The following ALX4 variants were observed in gnomAD, a reference collection of about 807,000 sequenced individuals.
The protein encoded by ALX4 is homeobox protein aristaless-like 4.
ALX4 carries 22 observed loss-of-function variants against 40.6 expected under a neutral mutation model. The observed-to-expected ratio is 0.54, with a 90% CI of 0.39 to 0.77. The LOEUF is 0.77. Ranked by LOEUF, ALX4 falls within the 30% of genes least tolerant of loss-of-function variation. The pLI is 0.00. For missense variants in ALX4, 556 were observed against 564.8 expected (o/e 0.98, Z 0.16); for synonymous variants, 266 against 240.5 (o/e 1.11, Z -0.98).
At chr11:44,277,671 G>A (rs1340930489) in intron 1 of ALX4, among the ~76,000 whole-genome samples, 1 of 152,178 alleles carries the variant, frequency 6.6e-6, no homozygotes, top group Non-Finnish European at 1.5e-5. Flanking sequence ...TCTCATTCCT[G>A]GCTTTCTGTG....
At chr11:44,297,009 CAAAAAAAA>C (rs60856634) in intron 1 of ALX4, among the ~76,000 whole-genome samples, 2 of 86,884 alleles carry the variant, frequency 2.3e-5, no homozygotes, top group South Asian at 1.2e-3. Flanking sequence ...AACTCTGTCT[CAAAAAAAA>C]AAAAAAAAAA....
chr11:44,287,606 GA>G (rs1374322544), intron 1 of ALX4, among the ~76,000 whole-genome samples: 2 of 141,096 alleles, frequency 1.4e-5, no homozygotes, highest in Non-Finnish European at 3.1e-5. Context: ...AAAAAAAAAA[GA>G]AAAGAAAAGA....
chr11:44,295,848 G>T (rs1489755373), intron 1 of ALX4, among the ~76,000 whole-genome samples: 2 of 152,220 alleles, frequency 1.3e-5, no homozygotes, highest in Non-Finnish European at 2.9e-5. Flanking sequence ...GTCCTCATGG[G>T]ATGGTCAACT....
At chr11:44,298,748 GAGCT>G (rs1956418069) in intron 1 of ALX4, among the ~76,000 whole-genome samples, 1 of 151,366 alleles carries the variant, frequency 6.6e-6, no homozygotes, top group African/African-American at 2.4e-5. Flanking sequence ...GTGCTAAATA[GAGCT>G]ACCCAGAGCC....
Position 44,264,737 on chromosome 11 carries a change from C to T in ALX4, c.*117G>A. 2 of 1,206,920 alleles carry T rather than the reference C, an allele frequency of 1.7e-6. No homozygotes were observed. The highest frequency in any genetic ancestry group is 2.1e-5 in the Admixed American group (1 of 46,528). The allele number at this position is 1,206,920 out of a possible 1,614,324, so 74.8% of individuals were successfully genotyped here. A position where few individuals can be genotyped will look rare whatever the true frequency, so the allele number is the denominator to read the frequency against. On this transcript the variant is annotated 3_prime_UTR_variant, in exon 4 of 4. Transcript: ENST00000652299. ...TGGGGCGGCTGAAAGTGCTGAGGGT[C>T]AGGCCCCTGGCCCAGGCCAGGTTCC...
At chr11:44,286,392 C>T (rs1956338797) in intron 1 of ALX4, among the ~76,000 whole-genome samples, 1 of 152,174 alleles carries the variant, frequency 6.6e-6, no homozygotes, top group African/African-American at 2.4e-5. Context: ...AGAGGAGTCC[C>T]CGGCCCTGGC....
chr11:44,269,522 G>A (rs956645543), intron 2 of ALX4, among the ~76,000 whole-genome samples: 5 of 152,108 alleles, frequency 3.3e-5, no homozygotes, highest in Admixed American at 1.3e-4. Context: ...GTGCGTGCAC[G>A]AGTGTACCCA....
intron 1 of ALX4, among the ~76,000 whole-genome samples, chr11:44,290,981 C>T (rs936734967): frequency 6.6e-5 from 10 of 152,200 alleles, no homozygotes; most frequent in South Asian, 2.1e-4. Flanking sequence ...GCCAGGGCAA[C>T]GTTGCTCAGC....
intron 1 of ALX4, among the ~76,000 whole-genome samples, chr11:44,293,168 GAAGC>G (rs1239463086): frequency 0.027 from 255 of 9,490 alleles, 38 homozygotes; most frequent in Middle Eastern, 0.056. Context: ...AGGAAGGAAG[GAAGC>G]AGGCAGGCAG....
chr11:44,305,708 G>T (rs1956462608), intron 1 of ALX4, among the ~76,000 whole-genome samples: 1 of 152,232 alleles, frequency 6.6e-6, no homozygotes, highest in East Asian at 1.9e-4. Flanking sequence ...TCGGGACTGG[G>T]CCCCTAGGCG....
At chr11:44,274,817 C>T (rs777651421) in intron 2 of ALX4, among the ~76,000 whole-genome samples, 4 of 152,166 alleles carry the variant, frequency 2.6e-5, no homozygotes, top group Admixed American at 6.5e-5. Flanking sequence ...ACTGCTTTAG[C>T]CACAGTGGTC....
intron 1 of ALX4, among the ~76,000 whole-genome samples, chr11:44,290,252 T>C (rs1427965591): frequency 6.6e-6 from 1 of 152,202 alleles, no homozygotes; most frequent in Non-Finnish European, 1.5e-5. Context: ...ATCACTTTCA[T>C]CCAGAGGCTG....
chr11:44,281,377 G>C (rs147025747), intron 1 of ALX4, among the ~76,000 whole-genome samples: 1 of 152,226 alleles, frequency 6.6e-6, no homozygotes, highest in Non-Finnish European at 1.5e-5. Context: ...AGATCCGCGT[G>C]GGTGGGTGTG....
chr11:44,302,126 G>A (rs1452700324), intron 1 of ALX4, among the ~76,000 whole-genome samples: 9 of 152,176 alleles, frequency 5.9e-5, no homozygotes, highest in African/African-American at 2.2e-4. Flanking sequence ...GGCGCCTCTG[G>A]AGGCAGAGGC....
At chr11:44,281,213 G>A (rs1052235968) in intron 1 of ALX4, among the ~76,000 whole-genome samples, 4 of 151,966 alleles carry the variant, frequency 2.6e-5, no homozygotes, top group South Asian at 2.1e-4. Flanking sequence ...ATGTACACCC[G>A]AGGGCCTGTG....
chr11:44,300,210 T>A (rs1163789296), intron 1 of ALX4, among the ~76,000 whole-genome samples: 1 of 151,914 alleles, frequency 6.6e-6, no homozygotes, highest in Non-Finnish European at 1.5e-5. Context: ...GGAGGGCCAA[T>A]TCACCCCTCT....
chr11:44,281,984 C>G (rs1956313135), intron 1 of ALX4, among the ~76,000 whole-genome samples: 1 of 152,178 alleles, frequency 6.6e-6, no homozygotes, highest in Non-Finnish European at 1.5e-5. Context: ...CCCACAGCCA[C>G]CAACCCAAGC....
intron 1 of ALX4, among the ~76,000 whole-genome samples, chr11:44,281,261 A>C (rs528391549): frequency 6.6e-6 from 1 of 151,870 alleles, no homozygotes; most frequent in South Asian, 2.1e-4. Context: ...TGGGGAACAT[A>C]TGTGTAGTTG....
In ALX4 at chr11:44,309,716, G is replaced by T. The variant is rs772691401; in HGVS notation, c.347C>A (p.Pro116Gln). The change falls in exon 1 of 4, where the codon CCG becomes CAG. Residue 116 changes from proline (P) to glutamine (Q), a missense_variant. Pro to Gln is a moderately conservative substitution (Grantham distance 76, BLOSUM62 -1). Coordinates refer to ENST00000652299, the MANE Select transcript of ALX4 (RefSeq NM_021926.4). ...CAAGTAAAGATGCGGTTGCGCGGGCGGCTGGGGCTGCGGCTGCTGCTGCTG... is the reference window on the plus strand; with the variant it reads ...CAAGTAAAGATGCGGTTGCGCGGGCTGCTGGGGCTGCGGCTGCTGCTGCTG... Reference protein sequence around the residue: ...QPQQQQPQPQPPAQPHLYLQR... With the variant: ...QPQQQQPQPQQPAQPHLYLQR... 49 of 1,571,358 alleles carry T rather than the reference G, an allele frequency of 3.1e-5. No homozygotes were observed. The highest frequency in any genetic ancestry group is 1.3e-4 in the South Asian group (11 of 86,564).
Sources: allele counts gnomAD v4.1 joint callset (sites outside exome capture counted in the v4.1 genomes callset), GRCh38; gene constraint gnomAD v4.1.1; transcripts MANE v1.5; gene names NCBI Gene and HGNC (gene_info 2026-07-23, HGNC 2026-07-21).